Variants in CFAP251 observed in about 807,000 individuals in gnomAD.
The protein encoded by CFAP251 is cilia- and flagella-associated protein 251.
A neutral mutation model predicts 126.7 loss-of-function variants in CFAP251; 93 were observed. That is an observed-to-expected ratio of 0.73 (90% CI 0.62 to 0.87). The LOEUF (loss-of-function observed/expected upper bound fraction) is 0.87, where lower values mean the gene tolerates loss of function less well. Ranked by LOEUF, CFAP251 falls within the 40% of genes least tolerant of loss-of-function variation. The pLI, the probability that CFAP251 is intolerant of heterozygous loss-of-function variation, is 0.00. For synonymous variants in CFAP251, 503 were observed against 506.9 expected (o/e 0.99, Z 0.10); for missense variants, 1,287 against 1,389.2 (o/e 0.93, Z 1.17).
chr12:121,919,143 A>AT (rs11374417), intron 1 of CFAP251, among the ~76,000 whole-genome samples: 59,315 of 146,436 alleles, frequency 0.41, 12,455 homozygotes, highest in East Asian at 0.54. Flanking sequence ...TATTATTATT[A>AT]TTTTTTTTTT....
At chr12:121,921,252 G>A in intron 1 of CFAP251, 34 bp from the exon 2 acceptor site, 2 of 1,527,200 alleles carry the variant, frequency 1.3e-6, no homozygotes, top group Non-Finnish European at 1.7e-6. Flanking sequence ...GGAAGCTGAG[G>A]GCCAGCTGGT....
intron 3 of CFAP251, among the ~76,000 whole-genome samples, chr12:121,928,640 A>ATATATACG (rs1565902537): frequency 0.011 from 184 of 16,098 alleles, 8 homozygotes; most frequent in Middle Eastern, 0.026. Context: ...ATATATACGT[A>ATATATACG]TATATATATA....
intron 19 of CFAP251, among the ~76,000 whole-genome samples, chr12:121,981,196 G>A (rs1395928672): frequency 6.6e-6 from 1 of 152,112 alleles, no homozygotes; most frequent in African/African-American, 2.4e-5. Flanking sequence ...GGCCAGTCAC[G>A]GTGGCTCACA....
chr12:121,942,750 A>G, intron 6 of CFAP251, 105 bp downstream of exon 6: 1 of 1,246,592 alleles, frequency 8.0e-7, no homozygotes, highest in Non-Finnish European at 1.1e-6. Context: ...TGTCTGTGAT[A>G]TTCTCAAAAG....
Position 121,942,575 on chromosome 12 carries a change from A to G in CFAP251, c.1040A>G (p.Asn347Ser), listed in dbSNP as rs1321330214. 6.2e-7 allele frequency: 1 copy of G among 1,613,812 alleles called. No homozygotes were observed. The highest frequency in any genetic ancestry group is 8.5e-7 in the Non-Finnish European group (1 of 1,179,980). The change falls in exon 6 of 22, where the codon AAT becomes AGT. Residue 347 changes from asparagine to serine, a missense_variant. Coordinates refer to ENST00000288912, the MANE Select transcript of CFAP251 (RefSeq NM_144668.6). Reference sequence around the variant, plus strand: ...ATATTTGACAGCTGCCCTGAAGGGAATGGCATCATGGCCATGGCCATGACC... The same window carrying G: ...ATATTTGACAGCTGCCCTGAAGGGAGTGGCATCATGGCCATGGCCATGACC... The part of the protein sequence containing the change: ...HTIFDSCPEG[N>S]GIMAMAMTHD...
chr12:121,930,935 G>C (rs1015126736), intron 3 of CFAP251, among the ~76,000 whole-genome samples: 1 of 152,040 alleles, frequency 6.6e-6, no homozygotes, highest in Admixed American at 6.6e-5. Context: ...TTTTAGTAGA[G>C]ATGAGGTTTC....
chr12:121,953,213 A>G (rs1881594824), intron 9 of CFAP251: 1 of 152,230 alleles, frequency 6.6e-6, no homozygotes, highest in Non-Finnish European at 1.5e-5. Context: ...TTCAGGGTCA[A>G]TTTAAATACT....
chr12:121,922,919 A>G (rs192913013), intron 2 of CFAP251, among the ~76,000 whole-genome samples: 1 of 151,954 alleles, frequency 6.6e-6, no homozygotes, highest in East Asian at 1.9e-4. Flanking sequence ...CCTCCCGAGT[A>G]GCTGGGACTA....
chr12:121,959,077 C>T lies in CFAP251; in HGVS notation c.2116C>T (p.Gln706Ter), dbSNP rs777880480. ...VTHISFSHDSQYMATADRSFT... is the reference protein window; with the variant it reads ...VTHISFSHDS ...TCATATAAGCTTTTCCCATGACTCC[C>T]AGTATATGGCAACTGCTGTAAGTAT... The change falls in exon 13 of 22, where the codon CAG becomes TAG. Residue 706 changes from glutamine (Q) to a stop codon, truncating the protein, a stop_gained. Coordinates refer to ENST00000288912, the MANE Select transcript of CFAP251 (RefSeq NM_144668.6). LOFTEE classifies it high-confidence loss of function. The T allele has an allele frequency of 6.3e-7, 1 of 1,598,042 alleles. No homozygotes were observed. The highest frequency in any genetic ancestry group is 8.5e-7 in the Non-Finnish European group (1 of 1,175,548).
At position 121,942,653 on chromosome 12, in the gene CFAP251, C is replaced by T; in HGVS notation, c.1110+8C>T. On this transcript the variant is annotated splice_region_variant and intron_variant, in intron 6 of 21. Coordinates refer to ENST00000288912, the MANE Select transcript of CFAP251 (RefSeq NM_144668.6). ...TCAGATGCTGAAGTCCAGGTAAAGG[C>T]CCTGGCCCTTTGGGTCAGCATCAGC... 1 of 1,607,406 alleles carries T rather than the reference C, an allele frequency of 6.2e-7. No individual in the cohort carries two copies.
At chr12:121,931,702 T>C (rs1351889040) in intron 3 of CFAP251, 44 bp from the exon 4 acceptor site, 2 of 1,465,502 alleles carry the variant, frequency 1.4e-6, no homozygotes, top group African/African-American at 1.4e-5. Context: ...AGCTCTGGGC[T>C]GAACACGCTG....
At chr12:121,988,777 T>C (rs1378433863) in intron 19 of CFAP251, among the ~76,000 whole-genome samples, 6 of 149,380 alleles carry the variant, frequency 4.0e-5, no homozygotes, top group Non-Finnish European at 8.9e-5. Flanking sequence ...GAAATCTCCC[T>C]CTGGCTGGAG....
At position 121,952,420 on chromosome 12, in the gene CFAP251, T is replaced by TAA. The variant is rs11324705; in HGVS notation, c.1320+903_1320+904dup. On this transcript the variant is annotated intron_variant, in intron 9 of 21. Transcript: ENST00000288912. Reference sequence around the variant, plus strand: ...GGGCAACAGAACAAGACCCTGTATATAAAAAAAAAAAAAATGAATGAAACA... The same window carrying TAA: ...GGGCAACAGAACAAGACCCTGTATATAAAAAAAAAAAAAAAATGAATGAAACA... Among the ~76,000 whole-genome samples the TAA allele has an allele frequency of 1.2e-3, 179 of 146,732 alleles. 4 individuals are homozygous for TAA. The East Asian group carries it at 0.034, about 28-fold the overall frequency.
At chr12:121,962,987 G>T (rs1881996231) in intron 15 of CFAP251, among the ~76,000 whole-genome samples, 1 of 152,202 alleles carries the variant, frequency 6.6e-6, no homozygotes, top group African/African-American at 2.4e-5. Context: ...CTGGTGCCAG[G>T]CACACGGCAC....
intron 17 of CFAP251, among the ~76,000 whole-genome samples, chr12:121,970,753 GC>G (rs2135795530): frequency 6.6e-6 from 1 of 152,368 alleles, no homozygotes; most frequent in South Asian, 2.1e-4. Flanking sequence ...GTCACGGACA[GC>G]GGCACACTTG....
chr12:121,984,183 G>C (rs970867215), intron 19 of CFAP251, among the ~76,000 whole-genome samples: 22 of 152,200 alleles, frequency 1.4e-4, no homozygotes, highest in African/African-American at 5.1e-4. Context: ...AATTACACAA[G>C]AATATAACCC....
chr12:122,002,351 G>A (rs531488394), intron 21 of CFAP251, among the ~76,000 whole-genome samples: 9 of 152,074 alleles, frequency 5.9e-5, no homozygotes, highest in Admixed American at 1.3e-4. Flanking sequence ...GCAAAACTCC[G>A]TCTCTAAATT....
intron 17 of CFAP251, among the ~76,000 whole-genome samples, chr12:121,973,588 C>T (rs1414699596): frequency 6.6e-6 from 1 of 152,218 alleles, no homozygotes; most frequent in Non-Finnish European, 1.5e-5. Flanking sequence ...AGGCTGTACC[C>T]TGTAAAGCCA....
At position 121,950,092 on chromosome 12, in the gene CFAP251, A is replaced by G. The variant is rs1023730659; in HGVS notation, c.1269+1031A>G. The G allele has an allele frequency of 2.0e-5, 3 of 152,242 alleles. No homozygotes were observed. In the South Asian group the frequency reaches 6.2e-4, roughly 32 times the overall value. 9.4% of individuals were successfully genotyped at this position (152,242 alleles called of 1,614,324 possible). On this transcript the variant is annotated intron_variant, in intron 8 of 21. Transcript: ENST00000288912. ...GTAGAAACAAGCCAAGTGTTCATCA[A>G]CTGATGAGTAGGTAAACAAAATGTG...
Sources: gnomAD v4.1 joint callset for allele counts (sites outside exome capture counted in the v4.1 genomes callset) on GRCh38, gnomAD v4.1.1 for gene constraint, MANE v1.5 for transcripts, NCBI Gene and HGNC (gene_info 2026-07-23, HGNC 2026-07-21) for gene names.